Variants in IL3RA observed in about 807,000 individuals in gnomAD.
The protein encoded by IL3RA is interleukin 3 receptor subunit alpha, also known as interleukin-3 receptor subunit alpha.
In IL3RA, 73 loss-of-function variants were observed where a neutral mutation model predicts 52.3. The observed-to-expected ratio is 1.40, with a 90% confidence interval of 1.16 to 1.70. The LOEUF (loss-of-function observed/expected upper bound fraction) is 1.70. Among genes scored for constraint, IL3RA ranks in the 40% most tolerant of loss-of-function variants. The pLI, the probability that IL3RA is intolerant of heterozygous loss-of-function variation, is 0.00. For synonymous variants in IL3RA, 260 were observed against 194.0 expected (o/e 1.34, Z -2.83); for missense variants, 664 against 504.4 (o/e 1.32, Z -3.03).
At chrX:1,358,383 G>GGCGC in intron 7 of IL3RA, among the ~76,000 whole-genome samples, 1 of 152,084 alleles carries the variant, frequency 6.6e-6, no homozygotes, top group Admixed American at 6.6e-5. Flanking sequence ...TTTTGGGCCA[G>GGCGC]GCGCGATGGG....
At chrX:1,364,145 G>A (rs1485334206) in intron 8 of IL3RA, among the ~76,000 whole-genome samples, 4 of 149,906 alleles carry the variant, frequency 2.7e-5, no homozygotes, top group Admixed American at 6.7e-5. Flanking sequence ...CCGAGATCAC[G>A]CCACTGCACT....
At chrX:1,341,209 A>C (rs746511374) in intron 1 of IL3RA, among the ~76,000 whole-genome samples, 4 of 152,174 alleles carry the variant, frequency 2.6e-5, no homozygotes, top group African/African-American at 9.6e-5. Context: ...CTGAGGCAGG[A>C]GAGTCGCTTG....
At chrX:1,381,146 G>A in intron 11 of IL3RA, 42 bp downstream of exon 11, 3 of 1,593,802 alleles carry the variant, frequency 1.9e-6, no homozygotes, top group Non-Finnish European at 2.6e-6. Context: ...TGGAGGCGTG[G>A]TGGCCACTTT....
intron 9 of IL3RA, among the ~76,000 whole-genome samples, chrX:1,367,927 C>T (rs1285488704): frequency 3.3e-5 from 5 of 151,906 alleles, no homozygotes; most frequent in Non-Finnish European, 4.4e-5. Flanking sequence ...CTGAACCCGA[C>T]GGTGAACTCA....
At chrX:1,354,333 G>A (rs2086448832) in intron 6 of IL3RA, among the ~76,000 whole-genome samples, 1 of 152,012 alleles carries the variant, frequency 6.6e-6, no homozygotes, top group Non-Finnish European at 1.5e-5. Context: ...CCCGAGCTCC[G>A]AGGAACCTCC....
At chrX:1,350,910 C>G (rs2086055225) in intron 4 of IL3RA, among the ~76,000 whole-genome samples, 1 of 147,704 alleles carries the variant, frequency 6.8e-6, no homozygotes, top group African/African-American at 2.5e-5. Flanking sequence ...CAGATGCACA[C>G]ACACGCACAC....
chrX:1,367,572 C>CGGGGTGA (rs2088207451), intron 9 of IL3RA, among the ~76,000 whole-genome samples: 10 of 53,248 alleles, frequency 1.9e-4, no homozygotes, highest in African/African-American at 8.1e-4. Flanking sequence ...GCGCCGGGTG[C>CGGGGTGA]GCGGGGTGAG....
chrX:1,354,303 C>T (rs1425308782), intron 6 of IL3RA, among the ~76,000 whole-genome samples: 1 of 152,204 alleles, frequency 6.6e-6, no homozygotes, highest in Admixed American at 6.6e-5. Flanking sequence ...CAGAAGGACA[C>T]ACACTTTCAG....
intron 6 of IL3RA, among the ~76,000 whole-genome samples, 177 bp from the exon 7 acceptor site, chrX:1,356,044 C>CCTGTGTCT (rs1303385496): frequency 2.0e-5 from 3 of 152,042 alleles, no homozygotes; most frequent in Non-Finnish European, 4.4e-5. Flanking sequence ...GCGGCTCAGT[C>CCTGTGTCT]CTGTGTCTCT....
intron 6 of IL3RA, among the ~76,000 whole-genome samples, chrX:1,354,978 A>AAGGGGG (rs1556625292): frequency 4.0e-3 from 2 of 494 alleles, no homozygotes; most frequent in African/African-American, 0.029. Context: ...TGGGGGGAGG[A>AAGGGGG]AGGGGGAGGA....
chrX:1,362,392 T>C (rs1171621806), intron 8 of IL3RA, among the ~76,000 whole-genome samples: 1 of 151,660 alleles, frequency 6.6e-6, no homozygotes, highest in Non-Finnish European at 1.5e-5. Context: ...TCTCTGTCTG[T>C]TTCTGTTTTT....
At position 1,378,642 on chromosome X, in the gene IL3RA, T is replaced by C. The variant is rs1257326875; in HGVS notation, c.875-17T>C. Reference sequence around the variant, plus strand: ...GGACGGCCCCCGGTCTGTGACCCTCTCACCCTTTACCCCTAGAGTGCGACC... The same window carrying C: ...GGACGGCCCCCGGTCTGTGACCCTCCCACCCTTTACCCCTAGAGTGCGACC... On this transcript the variant is annotated splice_polypyrimidine_tract_variant and intron_variant, in intron 9 of 11. Transcript: ENST00000331035. 6.2e-7 allele frequency: 1 copy of C among 1,609,176 alleles called. No individual in the cohort carries two copies. The highest frequency in any genetic ancestry group is 2.2e-5 in the East Asian group (1 of 44,866).
intron 1 of IL3RA, among the ~76,000 whole-genome samples, chrX:1,339,332 C>A (rs1394444996): frequency 1.3e-5 from 2 of 152,162 alleles, no homozygotes; most frequent in East Asian, 3.8e-4. Flanking sequence ...GGTCCCTCTG[C>A]CCAGGCAGGA....
intron 1 of IL3RA, among the ~76,000 whole-genome samples, chrX:1,338,850 A>T (rs1335078671): frequency 6.6e-6 from 1 of 151,984 alleles, no homozygotes; most frequent in African/African-American, 2.4e-5. Context: ...CCCAGGCTGG[A>T]GTGCAGTGGC....
chrX:1,346,187 C>T (rs1459691686), intron 3 of IL3RA, among the ~76,000 whole-genome samples: 2 of 151,898 alleles, frequency 1.3e-5, no homozygotes, highest in African/African-American at 4.8e-5. Flanking sequence ...GTGGCTCACA[C>T]CAGCACTTTG....
chrX:1,348,586 C>G (rs781734503), intron 4 of IL3RA, 41 bp downstream of exon 4: 3 of 1,369,466 alleles, frequency 2.2e-6, no homozygotes, highest in Non-Finnish European at 3.1e-6. Flanking sequence ...TCTATTCCCT[C>G]CCTCCTTCCC....
intron 9 of IL3RA, among the ~76,000 whole-genome samples, chrX:1,376,618 AG>A (rs2088747371): frequency 6.7e-6 from 1 of 148,626 alleles, no homozygotes; most frequent in Non-Finnish European, 1.5e-5. Context: ...ACACACACGG[AG>A]GAACAACCCT....
chrX:1,345,090 A>AC (rs1387741826), intron 2 of IL3RA, among the ~76,000 whole-genome samples: 9 of 150,392 alleles, frequency 6.0e-5, no homozygotes, highest in Admixed American at 2.7e-4. Context: ...AGTTGCTTGA[A>AC]CCAGGAGGCG....
chrX:1,360,456 C>T (rs28793302), intron 8 of IL3RA, among the ~76,000 whole-genome samples: 46 of 151,608 alleles, frequency 3.0e-4, no homozygotes, highest in Non-Finnish European at 5.6e-4. Flanking sequence ...CTCTCCTTGT[C>T]TATATCTCCC....
Sources: allele counts gnomAD v4.1 joint callset (sites outside exome capture counted in the v4.1 genomes callset), GRCh38; gene constraint gnomAD v4.1.1; transcripts MANE v1.5; gene names NCBI Gene and HGNC (gene_info 2026-07-23, HGNC 2026-07-21).